The following DPP10 variants were observed in gnomAD, a reference collection of about 807,000 sequenced individuals.
The protein encoded by DPP10 is dipeptidyl peptidase like 10, also known as inactive dipeptidyl peptidase 10.
A neutral mutation model predicts 120.9 loss-of-function variants in DPP10; 33 were observed. That is an observed-to-expected ratio of 0.27 (90% confidence interval 0.21 to 0.37). The LOEUF (loss-of-function observed/expected upper bound fraction) is 0.37, where lower values mean the gene tolerates loss of function less well. DPP10 is among the 10% of genes least tolerant of loss of function. The probability of loss-of-function intolerance (pLI) is 1.00; values close to 1 mark genes in which losing one functional copy is unlikely to be tolerated. For synonymous variants in DPP10, 337 were observed against 326.1 expected (o/e 1.03, Z -0.36); for missense variants, 816 against 942.8 (o/e 0.87, Z 1.76).
chr2:115,121,220 A>G (rs182442415), intron 1 of DPP10, among the ~76,000 whole-genome samples: 1 of 152,326 alleles, frequency 6.6e-6, no homozygotes, highest in East Asian at 1.9e-4. Context: ...GCTTTTAGAC[A>G]TTACCTGGTA....
At chr2:115,131,265 C>G (rs183839901) in intron 1 of DPP10, among the ~76,000 whole-genome samples, 9 of 152,244 alleles carry the variant, frequency 5.9e-5, no homozygotes, top group African/African-American at 2.2e-4. Context: ...CTGTAATCCC[C>G]GAACTTTGGG....
chr2:114,938,340 T>C (rs1253734735), intron 1 of DPP10, among the ~76,000 whole-genome samples: 1 of 152,010 alleles, frequency 6.6e-6, no homozygotes, highest in Non-Finnish European at 1.5e-5. Context: ...TGTAGGTTTT[T>C]CCATTATAAT....
At chr2:115,153,329 C>T (rs995016950) in intron 1 of DPP10, among the ~76,000 whole-genome samples, 1 of 152,210 alleles carries the variant, frequency 6.6e-6, no homozygotes, top group Non-Finnish European at 1.5e-5. Context: ...ATTTTACTTA[C>T]TGTTGGAATG....
chr2:115,302,289 A>G (rs1014543435), intron 1 of DPP10, among the ~76,000 whole-genome samples: 3 of 152,054 alleles, frequency 2.0e-5, no homozygotes, highest in African/African-American at 7.2e-5. Flanking sequence ...TGGTAGGGCC[A>G]CAAATCCAAA....
chr2:115,199,801 C>T (rs1173333904), intron 1 of DPP10, among the ~76,000 whole-genome samples: 1 of 152,030 alleles, frequency 6.6e-6, no homozygotes, highest in Non-Finnish European at 1.5e-5. Context: ...TTAAAAATAT[C>T]TGGATTTCAT....
intron 1 of DPP10, among the ~76,000 whole-genome samples, chr2:114,699,305 G>A (rs1700251065): frequency 6.6e-6 from 1 of 152,098 alleles, no homozygotes; most frequent in Non-Finnish European, 1.5e-5. Context: ...GTGTGTGTGT[G>A]TGTGTTGAGA....
At chr2:114,838,809 T>C (rs1010348511) in intron 1 of DPP10, among the ~76,000 whole-genome samples, 7 of 152,156 alleles carry the variant, frequency 4.6e-5, no homozygotes, top group African/African-American at 1.7e-4. Context: ...CAGTGTAGAC[T>C]GACCCACACT....
At chr2:114,821,903 A>T (rs920079856) in intron 1 of DPP10, among the ~76,000 whole-genome samples, 1 of 152,148 alleles carries the variant, frequency 6.6e-6, no homozygotes, top group Admixed American at 6.6e-5. Flanking sequence ...TGCAGAGTAC[A>T]GCTCCCCTCT....
chr2:115,639,742 G>A (rs560070331), intron 5 of DPP10, among the ~76,000 whole-genome samples: 17 of 152,004 alleles, frequency 1.1e-4, no homozygotes, highest in Non-Finnish European at 1.8e-4. Flanking sequence ...CCTAGGAACC[G>A]GAATCTCTAG....
chr2:115,710,958 G>A (rs1174370491), intron 7 of DPP10, among the ~76,000 whole-genome samples: 2 of 152,050 alleles, frequency 1.3e-5, no homozygotes, highest in African/African-American at 4.8e-5. Flanking sequence ...AGAATAAGAA[G>A]TTTGCTTTTA....
chr2:115,559,494 C>T (rs1201566368), intron 5 of DPP10, among the ~76,000 whole-genome samples: 1 of 151,796 alleles, frequency 6.6e-6, no homozygotes, highest in Non-Finnish European at 1.5e-5. Flanking sequence ...ATTGTTTTAC[C>T]GTTTGATTTC....
intron 1 of DPP10, among the ~76,000 whole-genome samples, chr2:115,238,580 GA>G (rs2058114052): frequency 6.6e-6 from 1 of 152,110 alleles, no homozygotes; most frequent in Non-Finnish European, 1.5e-5. Flanking sequence ...AGAGGTGGTG[GA>G]AATAAAAAGA....
At chr2:114,692,037 C>T (rs1228335257) in intron 1 of DPP10, among the ~76,000 whole-genome samples, 2 of 151,900 alleles carry the variant, frequency 1.3e-5, no homozygotes, top group Non-Finnish European at 2.9e-5. Context: ...AAAACCAGCT[C>T]CTGGATTCGT....
Position 115,433,844 on chromosome 2 carries a change from C to T in DPP10, c.272-65666C>T, listed in dbSNP as rs558968922. Among the ~76,000 whole-genome samples the T allele has an allele frequency of 3.9e-4, 59 of 152,070 alleles. No individual in the cohort carries two copies. The Middle Eastern group carries it at 0.017, about 44-fold the overall frequency. ...TGAAATTTATTCAATAAGATTCATT[C>T]TTCATGTGTCAATCAGATATCACGA... On this transcript the variant is annotated intron_variant, in intron 3 of 25. Transcript: ENST00000410059.
chr2:114,868,685 G>A (rs977596946), intron 1 of DPP10, among the ~76,000 whole-genome samples: 10 of 151,866 alleles, frequency 6.6e-5, no homozygotes, highest in Admixed American at 2.0e-4. Context: ...TTCTAGGAAA[G>A]AACAAAAGCA....
chr2:115,506,637 A>G (rs1215211227), intron 4 of DPP10, among the ~76,000 whole-genome samples: 4 of 152,136 alleles, frequency 2.6e-5, no homozygotes, highest in African/African-American at 9.7e-5. Context: ...TTTAGGAAAG[A>G]TGCTTGAATT....
chr2:115,815,249 A>T (rs1181681566), intron 20 of DPP10, among the ~76,000 whole-genome samples: 1 of 152,182 alleles, frequency 6.6e-6, no homozygotes, highest in African/African-American at 2.4e-5. Context: ...TTATACCACT[A>T]TATTATTTGT....
Position 114,643,935 on chromosome 2 carries a change from A to AT in DPP10, c.60+201114dup, listed in dbSNP as rs56039510. Among the ~76,000 whole-genome samples, 877 of 130,178 alleles carry AT rather than the reference A, an allele frequency of 6.7e-3. 28 individuals are homozygous for AT. The highest frequency in any genetic ancestry group is 0.024 in the African/African-American group (770 of 32,164). 85.4% of individuals were successfully genotyped at this position (130,178 alleles called of 152,430 possible). On this transcript the variant is annotated intron_variant, in intron 1 of 25. Transcript: ENST00000410059. ...TATGTGTGTGTATATATATATATAT[A>AT]TTTTTTTTTTTTTTTTTGAGACAGA...
intron 1 of DPP10, among the ~76,000 whole-genome samples, chr2:114,842,355 G>A (rs1410360047): frequency 6.6e-6 from 1 of 152,110 alleles, no homozygotes; most frequent in Non-Finnish European, 1.5e-5. Flanking sequence ...ACCACAGGAG[G>A]AATATGCTGG....
Sources: gnomAD v4.1 joint callset for allele counts (sites outside exome capture counted in the v4.1 genomes callset) on GRCh38, gnomAD v4.1.1 for gene constraint, MANE v1.5 for transcripts, NCBI Gene and HGNC (gene_info 2026-07-23, HGNC 2026-07-21) for gene names.